Variants in THSD7A observed in about 807,000 individuals in gnomAD.
THSD7A encodes the protein thrombospondin type-1 domain-containing protein 7A.
THSD7A carries 96 observed loss-of-function variants against 231.3 expected under a neutral mutation model. That is an observed-to-expected ratio of 0.41 (90% confidence interval 0.35 to 0.49). The LOEUF (loss-of-function observed/expected upper bound fraction) is 0.49, where lower values mean the gene tolerates loss of function less well. THSD7A is among the 20% of genes least tolerant of loss of function. The probability of loss-of-function intolerance (pLI) is 0.05; values close to 1 mark genes in which losing one functional copy is unlikely to be tolerated. For synonymous variants in THSD7A, 940 were observed against 743.3 expected (o/e 1.26, Z -4.30); for missense variants, 2,290 against 2,070.2 (o/e 1.11, Z -2.06).
intron 1 of THSD7A, among the ~76,000 whole-genome samples, chr7:11,731,546 G>A (rs1038494864): frequency 1.3e-5 from 2 of 151,700 alleles, no homozygotes; most frequent in East Asian, 3.9e-4. Flanking sequence ...TTCAAAAATT[G>A]ATCTTATTTC....
chr7:11,407,577 G>A (rs1048349805), intron 19 of THSD7A, among the ~76,000 whole-genome samples, 154 bp from the exon 20 acceptor site: 1 of 152,188 alleles, frequency 6.6e-6, no homozygotes, highest in African/African-American at 2.4e-5. Context: ...ACTATTGAAA[G>A]TATAAAGTGG....
chr7:11,570,088 C>A (rs1425215135), intron 4 of THSD7A, among the ~76,000 whole-genome samples: 2 of 152,036 alleles, frequency 1.3e-5, no homozygotes, highest in Admixed American at 6.6e-5. Context: ...GGGAGGATTG[C>A]TTCACCCAGG....
At chr7:11,672,571 A>T (rs1350130513) in intron 1 of THSD7A, among the ~76,000 whole-genome samples, 1 of 152,174 alleles carries the variant, frequency 6.6e-6, no homozygotes, top group Non-Finnish European at 1.5e-5. Context: ...AAAGCACATA[A>T]ATGTCACATC....
At chr7:11,429,309 A>T (rs1339613105) in intron 13 of THSD7A, among the ~76,000 whole-genome samples, 184 bp from the exon 14 acceptor site, 1 of 152,144 alleles carries the variant, frequency 6.6e-6, no homozygotes, top group Admixed American at 6.5e-5. Flanking sequence ...ACATACAGTG[A>T]CTCTGTTAAA....
intron 23 of THSD7A, among the ~76,000 whole-genome samples, chr7:11,394,278 G>A (rs938970272): frequency 6.6e-6 from 1 of 152,118 alleles, no homozygotes; most frequent in Non-Finnish European, 1.5e-5. Flanking sequence ...CATAAGCAAA[G>A]GAGAAATAAA....
At chr7:11,667,029 C>G (rs1783162603) in intron 1 of THSD7A, among the ~76,000 whole-genome samples, 1 of 152,042 alleles carries the variant, frequency 6.6e-6, no homozygotes, top group Non-Finnish European at 1.5e-5. Context: ...ATTCACTGAA[C>G]TTAAAACATC....
chr7:11,726,493 G>T (rs550908887), intron 1 of THSD7A, among the ~76,000 whole-genome samples: 1 of 151,950 alleles, frequency 6.6e-6, no homozygotes, highest in African/African-American at 2.4e-5. Flanking sequence ...CCACTTTTTG[G>T]TACTCAGTCT....
chr7:11,583,491 G>C (rs1791259040), intron 4 of THSD7A, among the ~76,000 whole-genome samples: 1 of 151,958 alleles, frequency 6.6e-6, no homozygotes, highest in Non-Finnish European at 1.5e-5. Context: ...GCACAGTCTG[G>C]TCTCGAACTC....
At chr7:11,558,785 A>G (rs1275065666) in intron 4 of THSD7A, among the ~76,000 whole-genome samples, 2 of 152,186 alleles carry the variant, frequency 1.3e-5, no homozygotes. Context: ...TGGTCACTCA[A>G]AAGTTCTATG....
chr7:11,542,624 A>G (rs951717153), intron 5 of THSD7A, among the ~76,000 whole-genome samples: 3 of 152,204 alleles, frequency 2.0e-5, no homozygotes, highest in African/African-American at 7.2e-5. Flanking sequence ...TAAGGGGACA[A>G]AGGTTTAGAT....
At chr7:11,751,220 G>A (rs776353123) in intron 1 of THSD7A, 24 of 152,038 alleles carry the variant, frequency 1.6e-4, no homozygotes, top group Non-Finnish European at 2.6e-4. Flanking sequence ...GCCGTAAGCC[G>A]GATAGTTGTC....
At chr7:11,535,913 C>T (rs2128320887) in intron 6 of THSD7A, among the ~76,000 whole-genome samples, 1 of 152,136 alleles carries the variant, frequency 6.6e-6, no homozygotes, top group Admixed American at 6.5e-5. Context: ...TTTTTGTCTA[C>T]CACTCTCCCT....
intron 6 of THSD7A, among the ~76,000 whole-genome samples, chr7:11,527,093 C>G (rs1262695843): frequency 1.3e-5 from 2 of 152,132 alleles, no homozygotes; most frequent in African/African-American, 4.8e-5. Context: ...TTCTAGCTCT[C>G]TAATGGAATG....
At chr7:11,596,445 C>T (rs966046217) in intron 2 of THSD7A, among the ~76,000 whole-genome samples, 19 of 152,070 alleles carry the variant, frequency 1.2e-4, no homozygotes, top group Admixed American at 1.1e-3. Flanking sequence ...TGGTCGTTTC[C>T]CCAGGGCCAG....
intron 1 of THSD7A, among the ~76,000 whole-genome samples, chr7:11,760,788 T>C (rs1782830917): frequency 6.6e-6 from 1 of 151,886 alleles, no homozygotes; most frequent in Non-Finnish European, 1.5e-5. Context: ...TGAAAATAAT[T>C]TGTGAGGTTT....
chr7:11,598,242 G>C (rs1166303081), intron 2 of THSD7A, among the ~76,000 whole-genome samples: 1 of 152,166 alleles, frequency 6.6e-6, no homozygotes, highest in East Asian at 1.9e-4. Flanking sequence ...CTGGAAAATT[G>C]GTGACAAAGA....
At chr7:11,417,040 A>T (rs1438836967) in intron 17 of THSD7A, among the ~76,000 whole-genome samples, 1 of 152,178 alleles carries the variant, frequency 6.6e-6, no homozygotes, top group Non-Finnish European at 1.5e-5. Context: ...CTACCATTTA[A>T]ATAAAAGGTA....
intron 1 of THSD7A, chr7:11,821,393 A>C: frequency 2.8e-6 from 1 of 362,670 alleles, no homozygotes; most frequent in Non-Finnish European, 5.2e-6. Context: ...CCCTGATTTT[A>C]AAAGCCCTTT....
intron 6 of THSD7A, among the ~76,000 whole-genome samples, chr7:11,519,584 C>T (rs1257636963): frequency 1.3e-5 from 2 of 151,730 alleles, no homozygotes; most frequent in Non-Finnish European, 2.9e-5. Flanking sequence ...CACTTTTAGC[C>T]ATTTTGGTGT....
Sources: allele counts gnomAD v4.1 joint callset (sites outside exome capture counted in the v4.1 genomes callset), GRCh38; gene constraint gnomAD v4.1.1; transcripts MANE v1.5; gene names NCBI Gene and HGNC (gene_info 2026-07-23, HGNC 2026-07-21).